CNTNAP2: variants seen among roughly 807,000 people sequenced by gnomAD.
CNTNAP2 encodes the protein contactin-associated protein-like 2.
CNTNAP2 carries 98 observed loss-of-function variants against 155.2 expected under a neutral mutation model. The observed-to-expected ratio is 0.63, with a 90% CI of 0.54 to 0.75. The LOEUF (loss-of-function observed/expected upper bound fraction) is 0.75, where lower values mean the gene tolerates loss of function less well. Ranked by LOEUF, CNTNAP2 falls within the 30% of genes least tolerant of loss-of-function variation. The pLI is 0.00. For missense variants in CNTNAP2, 1,727 were observed against 1,688.1 expected, an observed-to-expected ratio of 1.02 and a Z score of -0.40; for synonymous variants, 651 against 631.2, an observed-to-expected ratio of 1.03 and a Z score of -0.47.
chr7:147,624,200 A>C (rs527912619), intron 12 of CNTNAP2, among the ~76,000 whole-genome samples: 2 of 152,250 alleles, frequency 1.3e-5, no homozygotes, highest in East Asian at 3.9e-4. Context: ...GTCTGGGCAA[A>C]AATTTCTTGA....
In CNTNAP2 at chr7:146,509,914, T is replaced by C. The variant is rs1035487988; in HGVS notation, c.98-264357T>C. Among the ~76,000 whole-genome samples the C allele has an allele frequency of 3.9e-5, 6 of 152,112 alleles. No homozygotes were observed. In the East Asian group the frequency reaches 9.7e-4, roughly 25 times the overall value. On this transcript the variant is annotated intron_variant, in intron 1 of 23. Transcript: ENST00000361727. ...GGGGACCTGTCCACCACCACCCATGTCTCCACCAGGGCCCATCTTAGCAGC... is the reference window on the plus strand; with the variant it reads ...GGGGACCTGTCCACCACCACCCATGCCTCCACCAGGGCCCATCTTAGCAGC...
chr7:146,703,054 T>C (rs1800904080), intron 1 of CNTNAP2, among the ~76,000 whole-genome samples: 1 of 152,182 alleles, frequency 6.6e-6, no homozygotes, highest in Non-Finnish European at 1.5e-5. Context: ...CAAGTTATCC[T>C]TCCAATAAAT....
At chr7:146,694,916 A>G (rs1012488464) in intron 1 of CNTNAP2, among the ~76,000 whole-genome samples, 6 of 152,154 alleles carry the variant, frequency 3.9e-5, no homozygotes, top group Non-Finnish European at 8.8e-5. Context: ...ATATAGGAAA[A>G]CAACTTTTGC....
intron 1 of CNTNAP2, among the ~76,000 whole-genome samples, chr7:146,766,604 G>C (rs1802199224): frequency 6.6e-6 from 1 of 152,152 alleles, no homozygotes; most frequent in African/African-American, 2.4e-5. Flanking sequence ...CTTTAGCTGT[G>C]AGATCTGAAG....
At chr7:147,245,413 C>A (rs1020506189) in intron 8 of CNTNAP2, among the ~76,000 whole-genome samples, 1 of 152,166 alleles carries the variant, frequency 6.6e-6, no homozygotes, top group East Asian at 1.9e-4. Context: ...CTCAATCCAC[C>A]TCAGCCTCCA....
intron 13 of CNTNAP2, among the ~76,000 whole-genome samples, chr7:147,848,302 C>G (rs577597758): frequency 6.7e-6 from 1 of 148,792 alleles, no homozygotes; most frequent in Non-Finnish European, 1.5e-5. Flanking sequence ...TCTCGTGGTG[C>G]GCCGTTTCTT....
intron 15 of CNTNAP2, among the ~76,000 whole-genome samples, chr7:148,109,144 T>G (rs1563202101): frequency 6.6e-6 from 1 of 152,184 alleles, no homozygotes. Context: ...TTAAAGAATA[T>G]CAGTGTAGTA....
rs1466341356 is a variant in CNTNAP2 at position 146,721,873 on chromosome 7, G to A, written c.98-52398G>A. 3.3e-4 allele frequency among the ~76,000 whole-genome samples: 28 copies of A among 86,048 alleles called. 6 individuals are homozygous for A. The highest frequency in any genetic ancestry group is 2.2e-3 in the South Asian group (8 of 3,646). The allele number at this position is 86,048 out of a possible 152,430, so 56.5% of individuals were successfully genotyped here. Reference sequence around the variant, plus strand: ...TCTACATTTATATGTGTGTGTGTGTGTGTATATATATATATATTTTTTTTT... The same window carrying A: ...TCTACATTTATATGTGTGTGTGTGTATGTATATATATATATATTTTTTTTT... On this transcript the variant is annotated intron_variant, in intron 1 of 23. Coordinates refer to ENST00000361727, the MANE Select transcript of CNTNAP2 (RefSeq NM_014141.6).
chr7:147,955,594 C>T (rs1259828356), intron 14 of CNTNAP2, among the ~76,000 whole-genome samples: 2 of 152,048 alleles, frequency 1.3e-5, no homozygotes, highest in South Asian at 2.1e-4. Flanking sequence ...AGAATTTCAG[C>T]CCTAGAATGT....
At chr7:146,422,264 T>G (rs1659610799) in intron 1 of CNTNAP2, among the ~76,000 whole-genome samples, 1 of 151,054 alleles carries the variant, frequency 6.6e-6, no homozygotes, top group African/African-American at 2.4e-5. Flanking sequence ...GCAATAAATA[T>G]TCTTATACAT....
intron 9 of CNTNAP2, among the ~76,000 whole-genome samples, chr7:147,303,062 A>T (rs925973863): frequency 2.6e-5 from 4 of 152,188 alleles, no homozygotes; most frequent in Non-Finnish European, 5.9e-5. Context: ...AATGACTGGC[A>T]CAGGATCACT....
chr7:146,981,416 A>G (rs10241470), intron 3 of CNTNAP2, among the ~76,000 whole-genome samples: 59,616 of 151,990 alleles, frequency 0.39, 11,921 homozygotes, highest in Middle Eastern at 0.44. Flanking sequence ...ACATTTTGCC[A>G]TTTTCAGAAT....
At chr7:146,987,887 A>G (rs539194148) in intron 3 of CNTNAP2, among the ~76,000 whole-genome samples, 13 of 152,218 alleles carry the variant, frequency 8.5e-5, no homozygotes, top group South Asian at 4.1e-4. Flanking sequence ...TCCTATAACA[A>G]TTGAGTGACT....
At chr7:146,787,054 C>G (rs2129188188) in intron 2 of CNTNAP2, among the ~76,000 whole-genome samples, 1 of 152,330 alleles carries the variant, frequency 6.6e-6, no homozygotes, top group East Asian at 1.9e-4. Context: ...TTTCTCTAGC[C>G]AGTGTCTGGC....
At chr7:147,139,265 T>C (rs947618257) in intron 8 of CNTNAP2, among the ~76,000 whole-genome samples, 2 of 152,108 alleles carry the variant, frequency 1.3e-5, no homozygotes, top group Non-Finnish European at 2.9e-5. Flanking sequence ...TGACACTTCA[T>C]GTAAGGTTGA....
rs1165789604 is a variant in CNTNAP2 at position 147,585,994 on chromosome 7, C to T, written c.1897+23737C>T. ...CACATTTTAGGGAGATTTAAAACTT[C>T]AATCAATACATGTAAGATGTACATT... On this transcript the variant is annotated intron_variant, in intron 12 of 23. Coordinates refer to ENST00000361727, the MANE Select transcript of CNTNAP2 (RefSeq NM_014141.6). Among the ~76,000 whole-genome samples the T allele has an allele frequency of 5.3e-5, 8 of 152,028 alleles. No homozygotes were observed. In the South Asian group the frequency reaches 1.7e-3, roughly 31 times the overall value.
At chr7:146,188,922 C>T (rs1798661509) in intron 1 of CNTNAP2, among the ~76,000 whole-genome samples, 1 of 151,996 alleles carries the variant, frequency 6.6e-6, no homozygotes, top group African/African-American at 2.4e-5. Flanking sequence ...TTATAACCAC[C>T]CAGGTAAAAT....
rs539097309 is a variant in CNTNAP2 at position 146,382,557 on chromosome 7, A to G, written c.97+265584A>G. ...AAATTGCATAATTACTTTATAAAGTACATATAATTACTTTTCAGGTAGCTC... is the reference window on the plus strand; with the variant it reads ...AAATTGCATAATTACTTTATAAAGTGCATATAATTACTTTTCAGGTAGCTC... On this transcript the variant is annotated intron_variant, in intron 1 of 23. Transcript: ENST00000361727. Among the ~76,000 whole-genome samples, 853 of 152,362 alleles carry G rather than the reference A, an allele frequency of 5.6e-3. 7 individuals carry two copies. Among genetic ancestry groups the G allele is most frequent in the Non-Finnish European group, 7.2e-3 (491 of 68,034 alleles).
chr7:147,069,964 G>A (rs1169595760), intron 4 of CNTNAP2, among the ~76,000 whole-genome samples: 1 of 152,168 alleles, frequency 6.6e-6, no homozygotes, highest in Non-Finnish European at 1.5e-5. Flanking sequence ...ACACAGCATA[G>A]AGGAATAATC....
Sources: allele counts gnomAD v4.1 joint callset (sites outside exome capture counted in the v4.1 genomes callset), GRCh38; gene constraint gnomAD v4.1.1; transcripts MANE v1.5; gene names NCBI Gene and HGNC (gene_info 2026-07-23, HGNC 2026-07-21).